CDC42BPA: variants seen among roughly 807,000 people sequenced by gnomAD.
CDC42BPA encodes CDC42 binding protein kinase alpha.
Under a neutral mutation model 223.5 loss-of-function variants are expected in CDC42BPA, and 80 were observed. The ratio of observed to expected loss-of-function variants is 0.36; its 90% CI spans 0.30 to 0.43. CDC42BPA has a LOEUF of 0.43. Ranked by LOEUF, CDC42BPA falls within the 20% of genes least tolerant of loss-of-function variation. The pLI, the probability that CDC42BPA is intolerant of heterozygous loss-of-function variation, is 1.00. For missense variants in CDC42BPA, 1,743 were observed against 2,099.9 expected (o/e 0.83, Z 3.32); for synonymous variants, 694 against 718.6 (o/e 0.97, Z 0.55).
rs576393298 is a variant in CDC42BPA at position 227,101,355 on chromosome 1, C to T, written c.2002-116G>A. On this transcript the variant is annotated intron_variant, in intron 14 of 36. Transcript: ENST00000366766. ...TAACTGCATTTTTTGTACATCCTAA[C>T]AAAAATAAAATTCTATGTTAAATCT... The T allele has an allele frequency of 4.6e-4, 271 of 582,798 alleles. 4 individuals are homozygous for T. The South Asian group carries it at 0.01, about 22-fold the overall frequency. The allele number at this position is 582,798 out of a possible 1,614,324, so 36.1% of individuals were successfully genotyped here.
intron 31 of CDC42BPA, among the ~76,000 whole-genome samples, chr1:227,024,209 T>C (rs1028986422): frequency 6.6e-6 from 1 of 152,074 alleles, no homozygotes; most frequent in Non-Finnish European, 1.5e-5. Context: ...GAATGATGAA[T>C]AAACACACAA....
chr1:227,253,055 G>T (rs961244926), intron 2 of CDC42BPA, among the ~76,000 whole-genome samples: 1 of 152,138 alleles, frequency 6.6e-6, no homozygotes, highest in African/African-American at 2.4e-5. Context: ...AATTTATAAA[G>T]CCCTAAATAA....
chr1:227,039,745 T>A (rs964361639), intron 24 of CDC42BPA, among the ~76,000 whole-genome samples: 5 of 152,132 alleles, frequency 3.3e-5, no homozygotes, highest in Admixed American at 6.6e-5. Context: ...AATACAGGAA[T>A]AAAATATCTT....
intron 34 of CDC42BPA, among the ~76,000 whole-genome samples, chr1:227,010,377 T>C (rs1664942864): frequency 6.6e-6 from 1 of 152,234 alleles, no homozygotes; most frequent in African/African-American, 2.4e-5. Context: ...ATTTTTTAAC[T>C]TTTCACTTTG....
chr1:227,031,928 T>C (rs543804717), intron 27 of CDC42BPA, among the ~76,000 whole-genome samples: 2 of 152,326 alleles, frequency 1.3e-5, no homozygotes, highest in South Asian at 2.1e-4. Context: ...TATATCCTTA[T>C]TTTATATATG....
At chr1:227,171,360 G>A (rs1462889907) in intron 5 of CDC42BPA, among the ~76,000 whole-genome samples, 3 of 152,152 alleles carry the variant, frequency 2.0e-5, no homozygotes, top group African/African-American at 7.2e-5. Context: ...AATGGCTCAC[G>A]CCTATAATCC....
chr1:227,123,208 G>C (rs1208402022), intron 11 of CDC42BPA, among the ~76,000 whole-genome samples: 1 of 152,096 alleles, frequency 6.6e-6, no homozygotes. Flanking sequence ...GGGCTGAGGC[G>C]GGAGAATCAC....
intron 12 of CDC42BPA, among the ~76,000 whole-genome samples, chr1:227,117,896 C>T (rs1688024268): frequency 6.6e-6 from 1 of 151,274 alleles, no homozygotes; most frequent in South Asian, 2.1e-4. Flanking sequence ...ATTAGAATGC[C>T]CAAATATTTC....
intron 23 of CDC42BPA, among the ~76,000 whole-genome samples, chr1:227,040,446 T>C (rs1671142188): frequency 6.6e-6 from 1 of 152,182 alleles, no homozygotes; most frequent in Non-Finnish European, 1.5e-5. Flanking sequence ...AATTAAGAAG[T>C]TAAATGATAA....
At chr1:227,139,017 G>A (rs997363510) in intron 10 of CDC42BPA, among the ~76,000 whole-genome samples, 10 of 152,076 alleles carry the variant, frequency 6.6e-5, no homozygotes, top group Non-Finnish European at 1.5e-4. Flanking sequence ...AAGATTTGCT[G>A]GAAACTGCGA....
At chr1:227,315,578 T>TAGAAA (rs1694240379) in intron 1 of CDC42BPA, among the ~76,000 whole-genome samples, 1 of 148,474 alleles carries the variant, frequency 6.7e-6, no homozygotes, top group African/African-American at 2.5e-5. Context: ...CTTTAAGTCT[T>TAGAAA]AAAAAAAAAA....
intron 11 of CDC42BPA, among the ~76,000 whole-genome samples, chr1:227,125,602 T>TAAAAAA (rs78634914): frequency 8.5e-6 from 1 of 117,600 alleles, no homozygotes; most frequent in Admixed American, 8.9e-5. Flanking sequence ...GTCTACAAAT[T>TAAAAAA]AAAAAAAAAA....
chr1:227,031,599 C>T, intron 27 of CDC42BPA, 85 bp from the exon 28 acceptor site: 1 of 1,069,558 alleles, frequency 9.3e-7, no homozygotes, highest in Non-Finnish European at 1.4e-6. Flanking sequence ...TTGCTTAGCA[C>T]TCACCAATAA....
intron 5 of CDC42BPA, among the ~76,000 whole-genome samples, chr1:227,187,484 GAAAA>G (rs56401083): frequency 0.014 from 1,877 of 138,370 alleles, 52 homozygotes; most frequent in African/African-American, 0.046. Context: ...GAGAAGACTG[GAAAA>G]AAAAAAAAAA....
At position 227,145,619 on chromosome 1, in the gene CDC42BPA, T is replaced by C. The variant is rs746565410; in HGVS notation, c.1013A>G (p.Lys338Arg). Residue 338 changes from lysine (K) to arginine (R), a missense_variant, in exon 8 of 37, where the codon AAG (lysine) becomes AGG (arginine). This residue lies in a region of CDC42BPA where 321 missense variants were observed against 488.7 expected (regional missense o/e 0.66). Coordinates refer to ENST00000366766, the MANE Select transcript of CDC42BPA (RefSeq NM_001394014.1). ...AATTCCACTGAAAAATGGGTGTTTCTTAAAGTCTTCTATTCCATTTTGACC... is the reference window on the plus strand; with the variant it reads ...AATTCCACTGAAAAATGGGTGTTTCCTAAAGTCTTCTATTCCATTTTGACC... ...RLGQNGIEDFKKHPFFSGIDW... is the reference protein window; with the variant it reads ...RLGQNGIEDFRKHPFFSGIDW... The C allele has an allele frequency of 1.2e-6, 2 of 1,613,926 alleles. No homozygotes were observed. Among genetic ancestry groups the C allele is most frequent in the Non-Finnish European group, 1.7e-6 (2 of 1,179,874 alleles).
intron 21 of CDC42BPA, among the ~76,000 whole-genome samples, chr1:227,053,845 A>G (rs1674018389): frequency 6.6e-6 from 1 of 152,212 alleles, no homozygotes; most frequent in Non-Finnish European, 1.5e-5. Flanking sequence ...AATATGAAAT[A>G]TGACTCTGAG....
At chr1:227,112,143 A>C (rs1277559331) in intron 14 of CDC42BPA, 169 bp downstream of exon 14, 1 of 426,598 alleles carries the variant, frequency 2.3e-6, no homozygotes, top group Non-Finnish European at 4.1e-6. Context: ...CAGCATAATT[A>C]AGAAATCTGT....
At chr1:227,164,200 A>G (rs1664609369) in intron 5 of CDC42BPA, among the ~76,000 whole-genome samples, 1 of 152,180 alleles carries the variant, frequency 6.6e-6, no homozygotes, top group South Asian at 2.1e-4. Flanking sequence ...CCAATACCAC[A>G]GTGTCTTAAT....
At position 227,023,277 on chromosome 1, in the gene CDC42BPA, T is replaced by C. The variant is rs56229267; in HGVS notation, c.4601A>G (p.Lys1534Arg). 9 of 1,450,438 alleles carry C rather than the reference T, an allele frequency of 6.2e-6. No homozygotes were observed. The East Asian group carries it at 2.1e-4, about 33-fold the overall frequency. 89.8% of individuals were successfully genotyped at this position (1,450,438 alleles called of 1,614,324 possible). Residue 1534 changes from lysine (K) to arginine (R), a missense_variant, in exon 32 of 37, where the codon AAA becomes AGA. Transcript: ENST00000366766. ...GLETIRLIYF[K>R]NKMAEGDELV... is the part of the protein sequence containing the mutation. ...TATTTTCTTACCTGCCATCTTATTT[T>C]TGAAATATATTAATCTAATGGTCTC... is the stretch of plus-strand genomic sequence containing the variant.
Sources: allele counts gnomAD v4.1 joint callset (sites outside exome capture counted in the v4.1 genomes callset), GRCh38; gene constraint gnomAD v4.1.1; regional missense constraint gnomAD v4.1.1; transcripts MANE v1.5; gene names NCBI Gene and HGNC (gene_info 2026-07-23, HGNC 2026-07-21).